Variants in HLCS observed in about 807,000 individuals in gnomAD.
HLCS encodes biotin--protein ligase.
In HLCS, 53 loss-of-function variants were observed where a neutral mutation model predicts 75.0. The observed-to-expected ratio is 0.71, with a 90% CI of 0.57 to 0.89. HLCS has a LOEUF of 0.89. HLCS is among the 40% of genes least tolerant of loss of function. HLCS has a pLI of 0.00. For synonymous variants in HLCS, 431 were observed against 428.6 expected (o/e 1.01, Z -0.07); for missense variants, 966 against 1,074.0 (o/e 0.90, Z 1.41).
At chr21:36,802,180 T>C (rs2061224752) in intron 6 of HLCS, among the ~76,000 whole-genome samples, 1 of 152,138 alleles carries the variant, frequency 6.6e-6, no homozygotes, top group African/African-American at 2.4e-5. Context: ...AAGCAGTGAC[T>C]GAGGGCCACA....
intron 6 of HLCS, among the ~76,000 whole-genome samples, chr21:36,839,704 C>A (rs2062549970): frequency 7.0e-6 from 1 of 143,454 alleles, no homozygotes. Context: ...GTCCAGCTCA[C>A]TGGCAATATC....
intron 6 of HLCS, among the ~76,000 whole-genome samples, chr21:36,776,776 T>A (rs890072730): frequency 1.3e-5 from 2 of 152,232 alleles, no homozygotes; most frequent in African/African-American, 4.8e-5. Flanking sequence ...AGAGAGTAAA[T>A]ACTGTAGGCT....
intron 1 of HLCS, chr21:36,974,397 A>G (rs12483284): frequency 0.41 from 62,333 of 152,114 alleles, 13,500 homozygotes; most frequent in South Asian, 0.53. Context: ...AACAGGCCAC[A>G]GCCAGCCCCT....
intron 6 of HLCS, among the ~76,000 whole-genome samples, chr21:36,892,496 A>C (rs2064832396): frequency 6.6e-6 from 1 of 152,240 alleles, no homozygotes; most frequent in African/African-American, 2.4e-5. Flanking sequence ...AGACCTCAAC[A>C]GGTACATCCG....
Position 36,937,036 on chromosome 21 carries a change from T to C in HLCS, c.850A>G (p.Ser284Gly). Residue 284 changes from serine to glycine, a missense_variant, in exon 4 of 11, where the codon AGC becomes GGC. Ser to Gly is a moderately conservative substitution (Grantham distance 56, BLOSUM62 0). Transcript: ENST00000674895. Reference protein sequence around the residue: ...NIPDLPYDYSSSLESVADETS... With the variant: ...NIPDLPYDYSGSLESVADETS... ...TCATCAGCAACACTCTCCAAACTGCTGCTATAATCGTAGGGAAGGTCTGGA... is the reference window on the plus strand; with the variant it reads ...TCATCAGCAACACTCTCCAAACTGCCGCTATAATCGTAGGGAAGGTCTGGA... The C allele has an allele frequency of 6.2e-7, 1 of 1,614,080 alleles. No homozygotes were observed. Among genetic ancestry groups the C allele is most frequent in the Non-Finnish European group, 8.5e-7 (1 of 1,180,000 alleles).
chr21:36,969,367 T>A (rs770719235), upstream of HLCS, among the ~76,000 whole-genome samples: 3 of 152,114 alleles, frequency 2.0e-5, no homozygotes, highest in Non-Finnish European at 4.4e-5. Flanking sequence ...AGCAGCAGCA[T>A]CACTTGGAAG....
At chr21:36,920,993 C>T (rs2066139716) in intron 5 of HLCS, among the ~76,000 whole-genome samples, 1 of 151,454 alleles carries the variant, frequency 6.6e-6, no homozygotes, top group Non-Finnish European at 1.5e-5. Flanking sequence ...TTCTTATTTA[C>T]GGAAATTAAA....
intron 6 of HLCS, among the ~76,000 whole-genome samples, chr21:36,868,506 C>A (rs1248746855): frequency 2.0e-5 from 3 of 152,076 alleles, no homozygotes; most frequent in Admixed American, 2.0e-4. Flanking sequence ...CAATTGAAAG[C>A]TGATAATCTA....
chr21:36,946,885 A>C (rs1294821454), intron 2 of HLCS, among the ~76,000 whole-genome samples: 2 of 152,172 alleles, frequency 1.3e-5, no homozygotes, highest in Admixed American at 6.5e-5. Flanking sequence ...ACATTTCAGA[A>C]ATGACATCTT....
chr21:36,814,677 T>G (rs2061608275), intron 6 of HLCS, among the ~76,000 whole-genome samples: 2 of 152,214 alleles, frequency 1.3e-5, no homozygotes, highest in South Asian at 2.1e-4. Context: ...CTTATTTTGG[T>G]AGAATTCCAT....
intron 6 of HLCS, among the ~76,000 whole-genome samples, chr21:36,796,751 A>C (rs1601292359): frequency 2.0e-5 from 3 of 152,372 alleles, no homozygotes; most frequent in Admixed American, 2.0e-4. Flanking sequence ...ACCCATGTTT[A>C]TGAATAATAA....
chr21:36,795,559 T>C (rs1004206164), intron 6 of HLCS, among the ~76,000 whole-genome samples: 8 of 152,260 alleles, frequency 5.3e-5, no homozygotes, highest in African/African-American at 1.7e-4. Context: ...GTTATATTTC[T>C]AACAGAAACC....
intron 6 of HLCS, among the ~76,000 whole-genome samples, chr21:36,874,866 C>T (rs7277631): frequency 3.3e-5 from 5 of 152,024 alleles, no homozygotes; most frequent in South Asian, 2.1e-4. Flanking sequence ...CCTGCACTCT[C>T]GGGGGTCCAG....
chr21:36,923,289 C>T (rs1178170923), intron 5 of HLCS, among the ~76,000 whole-genome samples: 3 of 152,114 alleles, frequency 2.0e-5, no homozygotes, highest in African/African-American at 7.2e-5. Flanking sequence ...ATTAGGAAGC[C>T]CGGGTAGGAG....
At chr21:36,916,747 T>C (rs984479876) in intron 5 of HLCS, among the ~76,000 whole-genome samples, 28 of 152,126 alleles carry the variant, frequency 1.8e-4, no homozygotes, top group Non-Finnish European at 3.4e-4. Context: ...CATATGAAGA[T>C]GGAATATCCC....
intron 5 of HLCS, 65 bp downstream of exon 5, chr21:36,930,186 A>ACGGGT: frequency 1.5e-6 from 2 of 1,369,766 alleles, no homozygotes; most frequent in South Asian, 2.3e-5. Context: ...AATTAAAGCA[A>ACGGGT]CGGGTCGCCA....
In HLCS at chr21:36,936,748, A is replaced by G. The variant is rs2066903354; in HGVS notation, c.1138T>C (p.Phe380Leu). 6.2e-7 allele frequency: 1 copy of G among 1,614,208 alleles called. No homozygotes were observed. The highest frequency in any genetic ancestry group is 1.7e-5 in the Admixed American group (1 of 60,026). The change falls in exon 4 of 11, where the codon TTC (phenylalanine) becomes CTC (leucine). Residue 380 changes from phenylalanine (F) to leucine (L), a missense_variant. By Grantham distance (22) the Phe-to-Leu change is conservative. Transcript: ENST00000674895. ...ESIPEDLYQK[F>L]MAYLSQGGKV... is the part of the protein sequence containing the mutation. ...CCTCCCTGAGAAAGATAGGCCATGAACTTCTGGTACAGGTCTTCGGGAATG... is the reference window on the plus strand; with the variant it reads ...CCTCCCTGAGAAAGATAGGCCATGAGCTTCTGGTACAGGTCTTCGGGAATG...
At chr21:36,872,679 A>AT (rs1300564055) in intron 6 of HLCS, among the ~76,000 whole-genome samples, 1 of 152,152 alleles carries the variant, frequency 6.6e-6, no homozygotes, top group Non-Finnish European at 1.5e-5. Context: ...ATTCCTTTTT[A>AT]TTGCTAAGTA....
chr21:36,755,417 TAAA>T (rs767623848), intron 10 of HLCS, among the ~76,000 whole-genome samples: 2 of 149,350 alleles, frequency 1.3e-5, no homozygotes, highest in Non-Finnish European at 3.0e-5. Context: ...AAAGTGAAAA[TAAA>T]AAAAGTTTTT....
Sources: allele counts gnomAD v4.1 joint callset (sites outside exome capture counted in the v4.1 genomes callset), GRCh38; gene constraint gnomAD v4.1.1; transcripts MANE v1.5; gene names NCBI Gene and HGNC (gene_info 2026-07-23, HGNC 2026-07-21).